The following CD1A variants were observed in gnomAD, a reference collection of about 807,000 sequenced individuals.
CD1A encodes CD1a molecule.
In CD1A, 50 loss-of-function variants were observed where a neutral mutation model predicts 38.3. The ratio of observed to expected loss-of-function variants is 1.30; its 90% CI spans 1.04 to 1.65. The LOEUF is 1.65. CD1A is among the 40% of genes most tolerant of loss of function. CD1A has a pLI of 0.00. For missense variants in CD1A, 459 were observed against 406.1 expected, an observed-to-expected ratio of 1.13 and a Z score of -1.12; for synonymous variants, 160 against 150.8, an observed-to-expected ratio of 1.06 and a Z score of -0.45.
At chr1:158,248,510 A>G in the CD1A span, 1 of 637,790 alleles carries the variant, frequency 1.6e-6, no homozygotes, top group Non-Finnish European at 2.0e-6. Context: ...AAAGGGAAGA[A>G]TATGGACTTG....
upstream of CD1A, among the ~76,000 whole-genome samples, chr1:158,253,282 T>C (rs1330364347): frequency 6.6e-6 from 1 of 152,100 alleles, no homozygotes; most frequent in African/African-American, 2.4e-5. Context: ...CAAAGACTCA[T>C]TTATAACAAA....
the CD1A span, among the ~76,000 whole-genome samples, chr1:158,249,176 A>G: frequency 3.9e-5 from 6 of 152,110 alleles, no homozygotes; most frequent in African/African-American, 1.2e-4. Flanking sequence ...TTCTGACCCC[A>G]TATTCAACGG....
chr1:158,257,880 G>A lies in CD1A; in HGVS notation c.*190G>A, dbSNP rs181037557. The stretch of plus-strand genomic sequence containing the variant: ...ATATAAGCTCAATTTAATTTTGCAG[G>A]ATTTGTTGTTCTGACCTGGGTTCTG... On this transcript the variant is annotated 3_prime_UTR_variant, in exon 6 of 6. Coordinates refer to ENST00000289429, the MANE Select transcript of CD1A (RefSeq NM_001763.3). 114 of 598,276 alleles carry A rather than the reference G, an allele frequency of 1.9e-4. No homozygotes were observed. Among genetic ancestry groups the A allele is most frequent in the Admixed American group, 3.6e-4 (12 of 33,140 alleles). The allele number at this position is 598,276 out of a possible 1,614,324, so 37.1% of individuals were successfully genotyped here.
intron 2 of CD1A, 56 bp downstream of exon 2, chr1:158,255,406 A>G (rs1650225026): frequency 1.9e-6 from 3 of 1,548,858 alleles, no homozygotes; most frequent in Non-Finnish European, 1.8e-6. Flanking sequence ...GGTTGTCTCA[A>G]TGTTTCTTAT....
In CD1A at chr1:158,256,889, G is replaced by A. The variant is rs1289449967; in HGVS notation, c.708G>A (p.Met236Ile). 6.2e-7 allele frequency: 1 copy of A among 1,614,254 alleles called. No individual in the cohort carries two copies. The highest frequency in any genetic ancestry group is 1.7e-5 in the Admixed American group (1 of 60,032). ...SGFYPKPVWV[M>I]WMRGEQEQQG... The stretch of plus-strand genomic sequence containing the variant: ...TCTACCCAAAGCCCGTGTGGGTGAT[G>A]TGGATGCGGGGTGAGCAGGAGCAGC... The change falls in exon 4 of 6, where the codon ATG becomes ATA. Residue 236 changes from methionine to isoleucine, a missense_variant. Met to Ile is a conservative substitution (Grantham distance 10). Transcript: ENST00000289429.
chr1:158,252,744 C>A (rs1650120747), upstream of CD1A, among the ~76,000 whole-genome samples: 1 of 151,742 alleles, frequency 6.6e-6, no homozygotes, highest in Admixed American at 6.6e-5. Context: ...TTAATAATAT[C>A]AAAGTTAGCC....
chr1:158,257,549 C>T (rs377560013), intron 5 of CD1A, 38 bp downstream of exon 5: 1 of 1,585,482 alleles, frequency 6.3e-7, no homozygotes, highest in African/African-American at 1.3e-5. Flanking sequence ...CTCTTAGCCT[C>T]TACCCCACTT....
chr1:158,250,785 C>G (rs858998), upstream of CD1A, among the ~76,000 whole-genome samples: 1 of 151,946 alleles, frequency 6.6e-6, no homozygotes, highest in South Asian at 2.1e-4. Context: ...GTCTGCCGTC[C>G]CTGCAGCTCT....
upstream of CD1A, among the ~76,000 whole-genome samples, chr1:158,251,747 C>A (rs1294507987): frequency 6.6e-6 from 1 of 152,146 alleles, no homozygotes; most frequent in East Asian, 1.9e-4. Context: ...TAGTCTGGAA[C>A]CAGGATGTTT....
chr1:158,251,349 T>G (rs186319014), upstream of CD1A, among the ~76,000 whole-genome samples: 10 of 152,304 alleles, frequency 6.6e-5, no homozygotes, highest in East Asian at 1.9e-3. Flanking sequence ...AAGAGTGAAC[T>G]GCAGTGTGAG....
upstream of CD1A, chr1:158,254,413 G>A (rs949681402): frequency 9.8e-6 from 13 of 1,324,964 alleles, no homozygotes; most frequent in South Asian, 1.6e-5. Flanking sequence ...TTGAATTAGG[G>A]GAAGGTGAAT....
chr1:158,255,998 C>T lies in CD1A; in HGVS notation c.326-6C>T, dbSNP rs781121613. On this transcript the variant is annotated splice_region_variant and splice_polypyrimidine_tract_variant and intron_variant, in intron 2 of 5. Coordinates refer to ENST00000289429, the MANE Select transcript of CD1A (RefSeq NM_001763.3). ...TCTCCCTCTTTCCTCTATTTCATAA[C>T]CCCAGATCCTTTTGAGATACAGGTG... 3.1e-6 allele frequency: 5 copies of T among 1,611,422 alleles called. No homozygotes were observed. In the African/African-American group the frequency reaches 5.3e-5, roughly 17 times the overall value.
Position 158,257,703 on chromosome 1 carries a change from G to A in CD1A, c.*13G>A. On this transcript the variant is annotated 3_prime_UTR_variant, in exon 6 of 6. Coordinates refer to ENST00000289429, the MANE Select transcript of CD1A (RefSeq NM_001763.3). ...CAGTTTCTGTTAAGACACACCATGA[G>A]CCTCCTCGTCACCCTTCTCCTTTTG... 3 of 1,613,586 alleles carry A rather than the reference G, an allele frequency of 1.9e-6. No homozygotes were observed. Among genetic ancestry groups the A allele is most frequent in the South Asian group, 1.1e-5 (1 of 91,070 alleles).
chr1:158,257,155 G>A (rs1650287652), intron 4 of CD1A, 91 bp downstream of exon 4: 1 of 1,446,946 alleles, frequency 6.9e-7, no homozygotes, highest in Middle Eastern at 1.8e-4. Flanking sequence ...GGATTTTAGG[G>A]ATTATAGCCC....
upstream of CD1A, among the ~76,000 whole-genome samples, chr1:158,250,463 G>T (rs1458502477): frequency 6.6e-6 from 1 of 152,200 alleles, no homozygotes; most frequent in South Asian, 2.1e-4. Context: ...AGCAAGCCCG[G>T]GATATACAAT....
chr1:158,252,361 C>T (rs1432288396), upstream of CD1A, among the ~76,000 whole-genome samples: 5 of 152,128 alleles, frequency 3.3e-5, no homozygotes. Context: ...CTTCTATATA[C>T]TCATGCTAGC....
At chr1:158,254,204 G>A (rs1206986197), upstream of CD1A, 37 of 1,006,204 alleles carry the variant, frequency 3.7e-5, no homozygotes, top group Non-Finnish European at 4.2e-5. Context: ...AATGTAGTAA[G>A]GGGCTGAAGA....
Position 158,256,730 on chromosome 1 carries a change from T to A in CD1A, c.605-56T>A, listed in dbSNP as rs898802981. 1.1e-5 allele frequency: 18 copies of A among 1,569,458 alleles called. No homozygotes were observed. In the East Asian group the frequency reaches 3.6e-4, roughly 31 times the overall value. ...TGTGTCTATCTAAACTTCTAAACTG[T>A]TGTGGAGATATGAAACTCCAAGTCT... On this transcript the variant is annotated intron_variant, in intron 3 of 5. Transcript: ENST00000289429.
At chr1:158,249,039 CT>C in the CD1A span, among the ~76,000 whole-genome samples, 1 of 152,218 alleles carries the variant, frequency 6.6e-6, no homozygotes, top group African/African-American at 2.4e-5. Flanking sequence ...CTTCTTCCTT[CT>C]TTAGCATCTT....
Sources: allele counts gnomAD v4.1 joint callset (sites outside exome capture counted in the v4.1 genomes callset), GRCh38; gene constraint gnomAD v4.1.1; transcripts MANE v1.5; gene names NCBI Gene and HGNC (gene_info 2026-07-23, HGNC 2026-07-21).